RUNDC3A: variants seen among roughly 807,000 people sequenced by gnomAD.
The protein encoded by RUNDC3A is RUN domain-containing protein 3A.
In RUNDC3A, 28 loss-of-function variants were observed where a neutral mutation model predicts 53.9. That is an observed-to-expected ratio of 0.52 (90% confidence interval 0.38 to 0.71). The LOEUF (loss-of-function observed/expected upper bound fraction) is 0.71. Ranked by LOEUF, RUNDC3A falls within the 30% of genes least tolerant of loss-of-function variation. The probability of loss-of-function intolerance (pLI) is 0.00; values close to 1 mark genes in which losing one functional copy is unlikely to be tolerated. For missense variants in RUNDC3A, 491 were observed against 597.3 expected, an observed-to-expected ratio of 0.82 and a Z score of 1.85; for synonymous variants, 232 against 249.4, an observed-to-expected ratio of 0.93 and a Z score of 0.66.
At position 44,317,684 on chromosome 17, in the gene RUNDC3A, G is replaced by GGC; in HGVS notation, c.1199-411_1199-410dup. The GGC allele has an allele frequency of 4.6e-6, 3 of 648,406 alleles. No homozygotes were observed. The Admixed American group carries it at 6.8e-5, about 15-fold the overall frequency. The allele number at this position is 648,406 out of a possible 1,614,324, so 40.2% of individuals were successfully genotyped here. ...CCTAGATCTTCTTTGAGACAAGGCAGGCTGTGGCCATGTAGCCCCATCACA... is the reference window on the plus strand; with the variant it reads ...CCTAGATCTTCTTTGAGACAAGGCAGGCGCTGTGGCCATGTAGCCCCATCACA... On this transcript the variant is annotated intron_variant, in intron 10 of 10. Transcript: ENST00000426726.
At chr17:44,316,255 G>C (rs1408057830) in intron 8 of RUNDC3A, 130 bp from the exon 9 acceptor site, 3 of 802,726 alleles carry the variant, frequency 3.7e-6, no homozygotes, top group African/African-American at 1.7e-5. Flanking sequence ...CTGGCCCACT[G>C]ACCCCAACAC....
intron 1 of RUNDC3A, chr17:44,310,091 A>G (rs538247562): frequency 7.9e-5 from 12 of 152,338 alleles, no homozygotes; most frequent in Non-Finnish European, 1.8e-4. Context: ...CACTGCCTTT[A>G]CCCTCATTTC....
intron 10 of RUNDC3A, 175 bp from the exon 11 acceptor site, chr17:44,317,921 G>A (rs747012035): frequency 1.3e-4 from 78 of 622,654 alleles, no homozygotes; most frequent in Middle Eastern, 2.9e-4. Flanking sequence ...TCCCCAGCAC[G>A]GTGCCTGGCA....
In RUNDC3A at chr17:44,313,185, G is replaced by C; in HGVS notation, c.305G>C (p.Ser102Thr). The C allele has an allele frequency of 6.2e-7, 1 of 1,614,048 alleles. No individual in the cohort carries two copies. The highest frequency in any genetic ancestry group is 8.5e-7 in the Non-Finnish European group (1 of 1,179,896). ...GFWDYIRLAC[S>T]KVPNNCVSSI... ...TGGGACTATATCCGGCTGGCCTGCA[G>C]CAAAGTGCCCAACAACTGTGTGAGC... Residue 102 changes from serine (S) to threonine (T), a missense_variant, in exon 3 of 11, where the codon AGC (serine) becomes ACC (threonine). This residue lies in a region of RUNDC3A where 273 missense variants were observed against 389.0 expected (regional missense o/e 0.70). Coordinates refer to ENST00000426726, the MANE Select transcript of RUNDC3A (RefSeq NM_001144825.2).
intron 4 of RUNDC3A, 54 bp from the exon 5 acceptor site, chr17:44,314,681 G>GGC: frequency 7.8e-7 from 1 of 1,285,966 alleles, no homozygotes; most frequent in Non-Finnish European, 1.1e-6. Context: ...CTCTGGGGGG[G>GGC]GGGGGGGCGC....
Position 44,318,525 on chromosome 17 carries a change from T to C in RUNDC3A, c.*287T>C. The C allele has an allele frequency of 2.5e-6, 1 of 399,720 alleles. No individual in the cohort carries two copies. Among genetic ancestry groups the C allele is most frequent in the East Asian group, 4.2e-5 (1 of 23,564 alleles). The allele number at this position is 399,720 out of a possible 1,614,324, so 24.8% of individuals were successfully genotyped here. A position where few individuals can be genotyped will look rare whatever the true frequency, so the allele number is the denominator to read the frequency against. The stretch of plus-strand genomic sequence containing the variant: ...TGACCTTGGCGCTCCTTCACTCATC[T>C]CCCCTGCCCCCTCAGGAACTGGTGG... On this transcript the variant is annotated 3_prime_UTR_variant, in exon 11 of 11. Coordinates refer to ENST00000426726, the MANE Select transcript of RUNDC3A (RefSeq NM_001144825.2).
Position 44,313,442 on chromosome 17 carries a change from C to G in RUNDC3A, c.397C>G (p.Leu133Val). 1 of 1,613,960 alleles carries G rather than the reference C, an allele frequency of 6.2e-7. No homozygotes were observed. The highest frequency in any genetic ancestry group is 8.5e-7 in the Non-Finnish European group (1 of 1,179,860). ...AKGRAWIRVA[L>V]MEKRMSEYIT... ...GGGCCGGGCATGGATCCGGGTGGCA[C>G]TGATGGAGAAGCGCATGTCAGAATA... The change falls in exon 4 of 11, where the codon CTG (leucine) becomes GTG (valine). Residue 133 changes from leucine (L) to valine (V), a missense_variant. By Grantham distance (32) the Leu-to-Val change is conservative (BLOSUM62 1). Coordinates refer to ENST00000426726, the MANE Select transcript of RUNDC3A (RefSeq NM_001144825.2).
chr17:44,316,608 C>A lies in RUNDC3A; in HGVS notation c.1092-11C>A. ...TCCTCTACCGGCGCACCAGCTCTCG[C>A]TCTGCCGCAGACACAGCTTCATGAG... On this transcript the variant is annotated splice_polypyrimidine_tract_variant and intron_variant, in intron 9 of 10. Transcript: ENST00000426726. The A allele has an allele frequency of 1.3e-6, 2 of 1,553,318 alleles. No homozygotes were observed. The highest frequency in any genetic ancestry group is 1.7e-6 in the Non-Finnish European group (2 of 1,148,084).
Position 44,315,647 on chromosome 17 carries a change from G to A in RUNDC3A, c.953+38G>A, listed in dbSNP as rs1227029446. On this transcript the variant is annotated intron_variant, in intron 8 of 10. Coordinates refer to ENST00000426726, the MANE Select transcript of RUNDC3A (RefSeq NM_001144825.2). This position sits in a 1 kb window ranked among gnomAD's most constrained non-coding sequence, Gnocchi z 6.1. Reference sequence around the variant, plus strand: ...CCTGCCCTAACCCCTGACCCCCGCCGCCCCGACCACATCACCGGGTGAACC... The same window carrying A: ...CCTGCCCTAACCCCTGACCCCCGCCACCCCGACCACATCACCGGGTGAACC... 2 of 1,334,648 alleles carry A rather than the reference G, an allele frequency of 1.5e-6. No homozygotes were observed. The highest frequency in any genetic ancestry group is 1.7e-5 in the South Asian group (1 of 58,370). 82.7% of individuals were successfully genotyped at this position (1,334,648 alleles called of 1,614,324 possible).
intron 4 of RUNDC3A, 47 bp from the exon 5 acceptor site, chr17:44,314,688 G>GGGGGGGGCCCCCCC: frequency 1.1e-6 from 1 of 931,064 alleles, no homozygotes; most frequent in Non-Finnish European, 1.5e-6. Context: ...GGGGGGGGGG[G>GGGGGGGGCCCCCCC]CGCTCCAGGG....
In RUNDC3A at chr17:44,316,845, C is replaced by T. The variant is rs528993893; in HGVS notation, c.1198+120C>T. The stretch of plus-strand genomic sequence containing the variant: ...CTTTTTTTTTTTTTTTTTTTTGAGA[C>T]GGAGTCTCACTCTGTCATCCAAGTT... On this transcript the variant is annotated intron_variant, in intron 10 of 10. Coordinates refer to ENST00000426726, the MANE Select transcript of RUNDC3A (RefSeq NM_001144825.2). The T allele has an allele frequency of 4.4e-3, 2,717 of 612,080 alleles. 13 individuals are homozygous for T. Among genetic ancestry groups the T allele is most frequent in the Non-Finnish European group, 4.8e-3 (1,824 of 377,692 alleles). 37.9% of individuals were successfully genotyped at this position (612,080 alleles called of 1,614,324 possible).
At chr17:44,314,675 G>GGC (rs1764459129) in intron 4 of RUNDC3A, 60 bp from the exon 5 acceptor site, 4 of 129,354 alleles carry the variant, frequency 3.1e-5, no homozygotes, top group Non-Finnish European at 4.3e-5. Context: ...TAGCAGCTCT[G>GGC]GGGGGGGGGG....
At chr17:44,317,005 T>C in intron 10 of RUNDC3A, 1 of 444,074 alleles carries the variant, frequency 2.3e-6, no homozygotes. Flanking sequence ...GTATTTTTAG[T>C]AGAGACGCGC....
chr17:44,308,850 C>T lies in RUNDC3A; in HGVS notation c.18C>T (p.Val6=), dbSNP rs1208896953. The T allele has an allele frequency of 6.2e-6, 10 of 1,610,188 alleles. 1 individual carries two copies. In the South Asian group the frequency reaches 9.9e-5, roughly 16 times the overall value. The change falls in exon 1 of 11, where the codon GTC becomes GTT. Residue 6 remains valine, a synonymous_variant. Transcript: ENST00000426726. MEASF[V]QTTMALGLSS... is the part of the protein sequence containing the mutation. ...ACATCTGGATGGAAGCGAGCTTTGT[C>T]CAGACCACCATGGCTCTGGGGCTGT... is the stretch of plus-strand genomic sequence containing the variant.
intron 4 of RUNDC3A, 173 bp downstream of exon 4, chr17:44,313,676 C>CT: frequency 4.3e-6 from 5 of 1,163,106 alleles, no homozygotes; most frequent in East Asian, 3.5e-5. Context: ...CCAGGACGAA[C>CT]TCTTTTTTTT....
At position 44,315,212 on chromosome 17, in the gene RUNDC3A, G is replaced by A; in HGVS notation, c.687G>A (p.Glu229=). 2.6e-6 allele frequency: 4 copies of A among 1,554,014 alleles called. No homozygotes were observed. Among genetic ancestry groups the A allele is most frequent in the Non-Finnish European group, 3.5e-6 (4 of 1,148,542 alleles). The change falls in exon 7 of 11, where the codon GAG becomes GAA. Residue 229 remains glutamate (E), a synonymous_variant. Transcript: ENST00000426726. The surrounding 1 kb of genome is among the most constrained non-coding windows in gnomAD (Gnocchi z 6.1). ...ERHSAESSTS[E]DNSPEHPYLP... is the part of the protein sequence containing the mutation. ...ACAGCGCCGAGAGCAGCACGAGCGAGGACAACTCGCCCGAGCACCCGTACC... is the reference window on the plus strand; with the variant it reads ...ACAGCGCCGAGAGCAGCACGAGCGAAGACAACTCGCCCGAGCACCCGTACC...
rs1478232954 is a variant in RUNDC3A, at chr17:44,308,859, C to T, written c.27C>T (p.Thr9=). MEASFVQT[T]MALGLSSKKA... ...TGGAAGCGAGCTTTGTCCAGACCACCATGGCTCTGGGGCTGTCCTCCAAGA... is the reference window on the plus strand; with the variant it reads ...TGGAAGCGAGCTTTGTCCAGACCACTATGGCTCTGGGGCTGTCCTCCAAGA... Residue 9 remains threonine, a synonymous_variant, in exon 1 of 11, where the codon ACC becomes ACT. Transcript: ENST00000426726. 6.2e-7 allele frequency: 1 copy of T among 1,611,392 alleles called. No homozygotes were observed. The highest frequency in any genetic ancestry group is 8.5e-7 in the Non-Finnish European group (1 of 1,178,692).
At chr17:44,310,522 A>G (rs2047729774) in intron 1 of RUNDC3A, among the ~76,000 whole-genome samples, 1 of 152,148 alleles carries the variant, frequency 6.6e-6, no homozygotes, top group Non-Finnish European at 1.5e-5. Context: ...GGAGGGAAGG[A>G]TAGAGTTTTG....
intron 1 of RUNDC3A, chr17:44,310,617 G>T: frequency 2.4e-6 from 2 of 836,692 alleles, no homozygotes; most frequent in Non-Finnish European, 2.9e-6. Context: ...CCAGCTCCCA[G>T]AACAGCTCCC....
Sources: gnomAD v4.1 joint callset for allele counts (sites outside exome capture counted in the v4.1 genomes callset) on GRCh38, gnomAD v4.1.1 for gene constraint, gnomAD v4.1.1 regional missense constraint, Gnocchi (gnomAD v3.1) non-coding constraint, MANE v1.5 for transcripts, NCBI Gene and HGNC (gene_info 2026-07-23, HGNC 2026-07-21) for gene names.